The following IKBKB variants were observed in gnomAD, a reference collection of about 807,000 sequenced individuals.
The protein encoded by IKBKB is inhibitor of nuclear factor kappa-B kinase subunit beta.
A neutral mutation model predicts 113.6 loss-of-function variants in IKBKB; 42 were observed. The observed-to-expected ratio is 0.37, with a 90% CI of 0.29 to 0.48. The LOEUF (loss-of-function observed/expected upper bound fraction) is 0.48, where lower values mean the gene tolerates loss of function less well. Ranked by LOEUF, IKBKB falls within the 20% of genes least tolerant of loss-of-function variation. The pLI, the probability that IKBKB is intolerant of heterozygous loss-of-function variation, is 0.99. For synonymous variants in IKBKB, 296 were observed against 361.3 expected, an observed-to-expected ratio of 0.82 and a Z score of 2.05; for missense variants, 673 against 939.7, an observed-to-expected ratio of 0.72 and a Z score of 3.71.
At chr8:42,311,063 C>A (rs562454507) in intron 8 of IKBKB, among the ~76,000 whole-genome samples, 7 of 152,114 alleles carry the variant, frequency 4.6e-5, no homozygotes, top group African/African-American at 1.7e-4. Flanking sequence ...AGAGTTTGCA[C>A]GTTGTAAAGG....
chr8:42,330,016 G>T (rs1304616784), intron 21 of IKBKB: 1 of 985,402 alleles, frequency 1.0e-6, no homozygotes. Context: ...ATCTCTTGCT[G>T]CTCTCCTCCT....
intron 11 of IKBKB, 140 bp from the exon 12 acceptor site, chr8:42,317,517 A>G: frequency 1.5e-6 from 1 of 645,494 alleles, no homozygotes; most frequent in South Asian, 1.8e-5. Context: ...AACGTTAAAC[A>G]CTTCATGGAT....
At chr8:42,330,838 T>C (rs1821614322) in intron 21 of IKBKB, 76 bp from the exon 22 acceptor site, 2 of 1,611,230 alleles carry the variant, frequency 1.2e-6, no homozygotes, top group East Asian at 4.5e-5. Context: ...ATTGTCCTGA[T>C]TTCCTCCTGA....
At chr8:42,322,192 G>A in intron 18 of IKBKB, 39 bp downstream of exon 18, 1 of 1,578,286 alleles carries the variant, frequency 6.3e-7, no homozygotes, top group Non-Finnish European at 8.7e-7. Context: ...GGAAGGACTG[G>A]GAGATGCAGG....
intron 5 of IKBKB, among the ~76,000 whole-genome samples, chr8:42,294,498 T>G (rs1813307274): frequency 6.6e-6 from 1 of 152,344 alleles, no homozygotes; most frequent in East Asian, 1.9e-4. Flanking sequence ...TCCAACACTG[T>G]CTTGCTAGTG....
intron 7 of IKBKB, among the ~76,000 whole-genome samples, chr8:42,308,116 G>A (rs371969404): frequency 1.3e-5 from 2 of 152,248 alleles, no homozygotes; most frequent in East Asian, 3.9e-4. Flanking sequence ...TGGTTCAGGG[G>A]TTCAACCAGC....
intron 14 of IKBKB, 38 bp downstream of exon 14, chr8:42,319,459 T>A (rs910962179): frequency 4.3e-6 from 7 of 1,612,508 alleles, no homozygotes; most frequent in African/African-American, 1.3e-5. Flanking sequence ...AAGACACCAT[T>A]TTTTTTTCTT....
intron 5 of IKBKB, among the ~76,000 whole-genome samples, chr8:42,303,555 G>A (rs951438130): frequency 1.3e-5 from 2 of 151,444 alleles, no homozygotes; most frequent in African/African-American, 4.9e-5. Context: ...CCAGGTTGGA[G>A]TGCAGTGGCC....
At chr8:42,303,971 G>A (rs150463167) in intron 5 of IKBKB, among the ~76,000 whole-genome samples, 467 of 152,228 alleles carry the variant, frequency 3.1e-3, no homozygotes, top group African/African-American at 0.01. Flanking sequence ...ACCTTTTAAT[G>A]TTATTTGCAC....
At chr8:42,289,301 G>C (rs950488054) in intron 3 of IKBKB, among the ~76,000 whole-genome samples, 3 of 152,220 alleles carry the variant, frequency 2.0e-5, no homozygotes, top group Non-Finnish European at 2.9e-5. Context: ...TGCTTCTAAA[G>C]ACACCAGAGG....
chr8:42,316,417 G>A lies in IKBKB; in HGVS notation c.930+78G>A. On this transcript the variant is annotated intron_variant, in intron 10 of 21. Transcript: ENST00000520810. This position sits in a 1 kb window ranked among gnomAD's most constrained non-coding sequence, Gnocchi z 4.5. ...ACATGCAGTTCTTAGGACAGAGCAG[G>A]GGATGGGGCCAGCTGACCTAGTGAG... is the stretch of plus-strand genomic sequence containing the variant. 6.4e-7 allele frequency: 1 copy of A among 1,556,412 alleles called. No individual in the cohort carries two copies. The highest frequency in any genetic ancestry group is 1.2e-5 in the South Asian group (1 of 86,060).
Position 42,319,665 on chromosome 8 carries a change from G to T in IKBKB, c.1578+19G>T. The T allele has an allele frequency of 6.4e-7, 1 of 1,570,660 alleles. No homozygotes were observed. On this transcript the variant is annotated intron_variant, in intron 15 of 21. Coordinates refer to ENST00000520810, the MANE Select transcript of IKBKB (RefSeq NM_001556.3). ...TGGGCGGGTAGGAGACTCATTTTGG[G>T]TTTCGGAACTTACCAAGGGGGTGAG...
At chr8:42,275,175 CA>C (rs1198616248) in intron 2 of IKBKB, among the ~76,000 whole-genome samples, 2 of 151,550 alleles carry the variant, frequency 1.3e-5, no homozygotes, top group African/African-American at 2.4e-5. Context: ...CTGTGCCTGG[CA>C]TTTTTTTTTT....
chr8:42,305,117 G>C, intron 5 of IKBKB, 70 bp from the exon 6 acceptor site: 4 of 995,172 alleles, frequency 4.0e-6, no homozygotes, highest in Non-Finnish European at 6.4e-6. Context: ...TTTATCTTTT[G>C]CAGGATAGGA....
At chr8:42,317,870 A>T in intron 12 of IKBKB, 99 bp downstream of exon 12, 2 of 844,580 alleles carry the variant, frequency 2.4e-6, no homozygotes, top group South Asian at 2.8e-5. Flanking sequence ...GAGCCACGTA[A>T]AGGAAATTAA....
chr8:42,302,963 G>C (rs1043139285), intron 5 of IKBKB, among the ~76,000 whole-genome samples: 13 of 152,034 alleles, frequency 8.6e-5, no homozygotes, highest in African/African-American at 2.9e-4. Flanking sequence ...TCTGTGGAAG[G>C]CTTTTCCGTT....
chr8:42,292,622 G>A (rs1460924985), intron 4 of IKBKB, among the ~76,000 whole-genome samples: 1 of 152,234 alleles, frequency 6.6e-6, no homozygotes, highest in Non-Finnish European at 1.5e-5. Flanking sequence ...AAACAGATGA[G>A]TGTTTATGAA....
intron 21 of IKBKB, 148 bp downstream of exon 21, chr8:42,329,362 AC>A: frequency 8.0e-7 from 1 of 1,242,762 alleles, no homozygotes; most frequent in Non-Finnish European, 1.0e-6. Flanking sequence ...TCTCTCTCTC[AC>A]CCAGGCTGGA....
intron 9 of IKBKB, 23 bp downstream of exon 9, chr8:42,314,452 GA>G: frequency 7.2e-7 from 1 of 1,394,874 alleles, no homozygotes; most frequent in South Asian, 1.2e-5. Context: ...GGCATTACAC[GA>G]ATACATATCT....
Sources: gnomAD v4.1 joint callset for allele counts (sites outside exome capture counted in the v4.1 genomes callset) on GRCh38, gnomAD v4.1.1 for gene constraint, Gnocchi (gnomAD v3.1) non-coding constraint, MANE v1.5 for transcripts, NCBI Gene and HGNC (gene_info 2026-07-23, HGNC 2026-07-21) for gene names.